Variants in MID1 observed in about 807,000 individuals in gnomAD.
The protein encoded by MID1 is midline 1, also known as E3 ubiquitin-protein ligase Midline-1.
A neutral mutation model predicts 40.4 loss-of-function variants in MID1; 7 were observed. The ratio of observed to expected loss-of-function variants is 0.17; its 90% CI spans 0.10 to 0.33. The LOEUF is 0.33. MID1 is among the 10% of genes least tolerant of loss of function. The pLI is 1.00. For missense variants in MID1, 367 were observed against 558.5 expected (o/e 0.66, Z 3.46); for synonymous variants, 229 against 221.2 (o/e 1.04, Z -0.31).
At chrX:10,494,791 AAG>A in intron 4 of MID1, among the ~76,000 whole-genome samples, 1 of 107,820 alleles carries the variant, frequency 9.3e-6, no homozygotes, top group Non-Finnish European at 1.9e-5. Flanking sequence ...AAAAAAAAAA[AAG>A]AAGAAGAAAA....
At chrX:10,568,568 G>C (rs1934637513) in intron 1 of MID1, among the ~76,000 whole-genome samples, 1 of 111,223 alleles carries the variant, frequency 9.0e-6, no homozygotes, top group Non-Finnish European at 1.9e-5. Context: ...CCACGGGCTT[G>C]TCACTGTTGC....
chrX:10,623,242 C>T (rs1198395016), upstream of MID1, among the ~76,000 whole-genome samples: 3 of 92,841 alleles, frequency 3.2e-5, no homozygotes, highest in Non-Finnish European at 4.2e-5. Context: ...CAAATAAGAC[C>T]CCGAAAAAAA....
chrX:10,819,910 G>C (rs191470038), intron 1 of MID1, among the ~76,000 whole-genome samples: 63 of 111,957 alleles, frequency 5.6e-4, no homozygotes, highest in African/African-American at 2.0e-3. Context: ...TTTCTAATCA[G>C]TGGGCTAAGG....
intron 1 of MID1, among the ~76,000 whole-genome samples, chrX:10,659,789 G>A (rs138098877): frequency 8.9e-6 from 1 of 111,785 alleles, no homozygotes; most frequent in East Asian, 2.8e-4. Flanking sequence ...CTTTGATAAC[G>A]TATGTGCTGT....
chrX:10,708,287 G>C (rs1406536753), intron 1 of MID1, among the ~76,000 whole-genome samples: 2 of 111,635 alleles, frequency 1.8e-5, no homozygotes, highest in African/African-American at 6.5e-5. Flanking sequence ...TGAAATATGG[G>C]CTGGTAGTTC....
chrX:10,495,269 C>T (rs190734967), intron 4 of MID1, among the ~76,000 whole-genome samples: 1 of 111,589 alleles, frequency 9.0e-6, no homozygotes, highest in East Asian at 2.8e-4. Context: ...TCTGCCTCCA[C>T]AGAACCCACC....
Position 10,609,079 on chromosome X carries a change from G to A in MID1, c.-57+11211C>T, listed in dbSNP as rs756500761. Among the ~76,000 whole-genome samples, 373 of 111,505 alleles carry A rather than the reference G, an allele frequency of 3.3e-3. 2 individuals carry two copies. Among genetic ancestry groups the A allele is most frequent in the African/African-American group, 0.011 (352 of 30,620 alleles). ...TTTAGCATATTAGGATAATTTGTCC[G>A]AAAAGGGTACATTTTTAGCAACAAA... On this transcript the variant is annotated intron_variant, in intron 1 of 9. Coordinates refer to ENST00000317552, the MANE Select transcript of MID1 (RefSeq NM_000381.4).
chrX:10,754,560 A>G (rs1251374094), intron 1 of MID1, among the ~76,000 whole-genome samples: 2 of 111,429 alleles, frequency 1.8e-5, no homozygotes, highest in Non-Finnish European at 3.8e-5. Flanking sequence ...ATGAAATTTT[A>G]TCTTTTAAAA....
chrX:10,729,544 A>G (rs1480955314), intron 1 of MID1, among the ~76,000 whole-genome samples: 2 of 112,005 alleles, frequency 1.8e-5, no homozygotes, highest in Non-Finnish European at 3.8e-5. Context: ...AGCTATAATA[A>G]TGAAGCCTCA....
intron 7 of MID1, among the ~76,000 whole-genome samples, chrX:10,461,195 C>CT (rs748770056): frequency 0.028 from 2,598 of 92,483 alleles, 84 homozygotes; most frequent in African/African-American, 0.071. Flanking sequence ...TTTCTGTTGC[C>CT]TTTTTTTTTT....
In MID1 at chrX:10,501,437, G is replaced by A. The variant is rs775496496; in HGVS notation, c.757-5746C>T. 210 of 1,153,106 alleles carry A rather than the reference G, an allele frequency of 1.8e-4. 2 individuals are homozygous for A. The highest frequency in any genetic ancestry group is 1.2e-3 in the Middle Eastern group (5 of 4,327). On this transcript the variant is annotated intron_variant, in intron 3 of 9. Coordinates refer to ENST00000317552, the MANE Select transcript of MID1 (RefSeq NM_000381.4). ...CTACATCTAGAGTCAGTTTTCTTTC[G>A]CGTCTTGAAATGCATCTTCTCCCCA...
upstream of MID1, among the ~76,000 whole-genome samples, chrX:10,623,331 AAGGAAGG>A (rs1237884809): frequency 1.0e-3 from 112 of 109,185 alleles, no homozygotes; most frequent in Middle Eastern, 4.6e-3. Flanking sequence ...GGAAGGAAGG[AAGGAAGG>A]GAAAAAGAAA....
chrX:10,472,973 C>T (rs985461706), intron 6 of MID1, among the ~76,000 whole-genome samples: 5 of 112,215 alleles, frequency 4.5e-5, no homozygotes, highest in African/African-American at 9.7e-5. Flanking sequence ...TAAACTCATT[C>T]GCAAATGATA....
At chrX:10,580,542 T>G (rs1242126619) in intron 1 of MID1, among the ~76,000 whole-genome samples, 1 of 111,313 alleles carries the variant, frequency 9.0e-6, no homozygotes, top group Non-Finnish European at 1.9e-5. Context: ...TTTCTTCTGA[T>G]GCAAATTCTG....
At chrX:10,540,681 T>C (rs1933435332) in intron 2 of MID1, among the ~76,000 whole-genome samples, 1 of 111,413 alleles carries the variant, frequency 9.0e-6, no homozygotes, top group Non-Finnish European at 1.9e-5. Flanking sequence ...CAATGTTCTC[T>C]AGTAACACAT....
chrX:10,513,012 T>C (rs1403767923), intron 3 of MID1, among the ~76,000 whole-genome samples: 1 of 112,259 alleles, frequency 8.9e-6, no homozygotes, highest in Non-Finnish European at 1.9e-5. Context: ...AGTACTACAA[T>C]TGTCTTCTTG....
At chrX:10,630,443 C>T (rs1244887183) in intron 1 of MID1, among the ~76,000 whole-genome samples, 3 of 110,154 alleles carry the variant, frequency 2.7e-5, no homozygotes, top group South Asian at 3.9e-4. Context: ...ACTCAACCAA[C>T]GCAGGAAGCC....
At chrX:10,537,533 T>C (rs1452171374) in intron 2 of MID1, among the ~76,000 whole-genome samples, 1 of 112,180 alleles carries the variant, frequency 8.9e-6, no homozygotes, top group Non-Finnish European at 1.9e-5. Flanking sequence ...AAGAGGACTT[T>C]TGGCCTTCCA....
At chrX:10,610,435 G>A (rs1046354621) in intron 1 of MID1, among the ~76,000 whole-genome samples, 4 of 111,376 alleles carry the variant, frequency 3.6e-5, no homozygotes, top group African/African-American at 1.3e-4. Flanking sequence ...ATCAATTATG[G>A]TACATCGTCA....
Sources: allele counts gnomAD v4.1 joint callset (sites outside exome capture counted in the v4.1 genomes callset), GRCh38; gene constraint gnomAD v4.1.1; transcripts MANE v1.5; gene names NCBI Gene and HGNC (gene_info 2026-07-23, HGNC 2026-07-21).